The following MBTD1 variants were observed in gnomAD, a reference collection of about 807,000 sequenced individuals.
MBTD1 encodes the protein mbt domain containing 1.
MBTD1 carries 24 observed loss-of-function variants against 87.8 expected under a neutral mutation model. That is an observed-to-expected ratio of 0.27 (90% CI 0.20 to 0.38). The LOEUF (loss-of-function observed/expected upper bound fraction) is 0.38. Among genes scored for constraint, MBTD1 ranks in the 10% least tolerant of loss-of-function variants. The probability of loss-of-function intolerance (pLI) is 1.00; values close to 1 mark genes in which losing one functional copy is unlikely to be tolerated. For missense variants in MBTD1, 436 were observed against 760.2 expected, an observed-to-expected ratio of 0.57 and a Z score of 5.02; for synonymous variants, 237 against 248.6, an observed-to-expected ratio of 0.95 and a Z score of 0.44.
intron 2 of MBTD1, among the ~76,000 whole-genome samples, chr17:51,229,794 G>T (rs569349916): frequency 6.6e-6 from 1 of 151,700 alleles, no homozygotes; most frequent in South Asian, 2.1e-4. Flanking sequence ...CCAAGTAGAT[G>T]GGATTACAGG....
chr17:51,229,337 A>T (rs2053426263), intron 2 of MBTD1, among the ~76,000 whole-genome samples: 1 of 152,050 alleles, frequency 6.6e-6, no homozygotes, highest in African/African-American at 2.4e-5. Flanking sequence ...TTTAAGCTAA[A>T]ATTTTTTTTT....
intron 1 of MBTD1, among the ~76,000 whole-genome samples, 183 bp from the exon 2 acceptor site, chr17:51,259,389 G>T (rs576102052): frequency 1.3e-5 from 2 of 151,860 alleles, no homozygotes; most frequent in South Asian, 4.2e-4. Context: ...ACCGCCTCGC[G>T]GCACTGCCCC....
chr17:51,258,805 T>C (rs1225840342), intron 2 of MBTD1, among the ~76,000 whole-genome samples: 2 of 152,208 alleles, frequency 1.3e-5, no homozygotes, highest in Non-Finnish European at 1.5e-5. Flanking sequence ...TAGCTTCCTG[T>C]AGAAAAACAT....
intron 6 of MBTD1, among the ~76,000 whole-genome samples, chr17:51,208,067 C>T (rs149112679): frequency 6.6e-6 from 1 of 152,316 alleles, no homozygotes; most frequent in Non-Finnish European, 1.5e-5. Flanking sequence ...CCAATTTGAA[C>T]ATTAGGCAAA....
At chr17:51,189,285 T>C (rs58298687) in intron 16 of MBTD1, among the ~76,000 whole-genome samples, 5,616 of 152,304 alleles carry the variant, frequency 0.037, 292 homozygotes, top group African/African-American at 0.11. Flanking sequence ...CAAGGGCATC[T>C]AATGAGGTAC....
chr17:51,231,379 T>G (rs1373950093), intron 2 of MBTD1, among the ~76,000 whole-genome samples: 5 of 152,236 alleles, frequency 3.3e-5, no homozygotes, highest in African/African-American at 9.6e-5. Flanking sequence ...GAATATAGCC[T>G]TAAAATTTCA....
chr17:51,222,627 A>G (rs369274723), intron 3 of MBTD1, among the ~76,000 whole-genome samples: 1 of 151,556 alleles, frequency 6.6e-6, no homozygotes, highest in African/African-American at 2.4e-5. Flanking sequence ...CGAACTCCTG[A>G]GCTTAGGCAA....
Position 51,192,247 on chromosome 17 carries a change from T to C in MBTD1, c.1724A>G (p.Gln575Arg). The change falls in exon 16 of 17, where the codon CAG becomes CGG. Residue 575 changes from glutamine (Q) to arginine (R), a missense_variant. Physicochemically the swap from Gln to Arg is conservative, Grantham distance 43. Coordinates refer to ENST00000586178, the MANE Select transcript of MBTD1 (RefSeq NM_017643.3). ...TTGCTGGGACTTAGCCTTTTTCTTC[T>C]GTTTTGATGAAGCTGATTGGTTTTC... Reference protein sequence around the residue: ...SRENQSASSKQKKKAKSQQYK... With the variant: ...SRENQSASSKRKKKAKSQQYK... The C allele has an allele frequency of 3.2e-6, 5 of 1,551,410 alleles. 1 individual carries two copies. The South Asian group carries it at 3.6e-5, about 11-fold the overall frequency.
rs1234337394 is a variant in MBTD1, at chr17:51,219,084, T to A, written c.289-40A>T. ...GTTAAGTAAATAGGATTCTTTTTCA[T>A]CCCCTCACCACCACAATTTAACTGG... On this transcript the variant is annotated intron_variant, in intron 4 of 16. Coordinates refer to ENST00000586178, the MANE Select transcript of MBTD1 (RefSeq NM_017643.3). The A allele has an allele frequency of 3.9e-6, 4 of 1,014,052 alleles. No homozygotes were observed. The South Asian group carries it at 5.5e-5, about 14-fold the overall frequency. The allele number at this position is 1,014,052 out of a possible 1,614,324, so 62.8% of individuals were successfully genotyped here. A position where few individuals can be genotyped will look rare whatever the true frequency, so the allele number is the denominator to read the frequency against.
Position 51,225,024 on chromosome 17 carries a change from A to G in MBTD1, c.138T>C (p.Asp46=). 6.5e-7 allele frequency: 1 copy of G among 1,548,144 alleles called. No individual in the cohort carries two copies. The highest frequency in any genetic ancestry group is 8.7e-7 in the Non-Finnish European group (1 of 1,145,042). The change falls in exon 3 of 17, where the codon GAT becomes GAC. Residue 46 remains aspartate, a synonymous_variant. Transcript: ENST00000586178. ...KNNGQVYTYP[D]GKSGMATCEM... ...AATACTCACCCATGCCAGATTTACC[A>G]TCTGGGTATGTGTAGACTTGCCCAT...
intron 2 of MBTD1, among the ~76,000 whole-genome samples, chr17:51,225,929 C>G (rs2143724821): frequency 6.6e-6 from 1 of 151,846 alleles, no homozygotes; most frequent in South Asian, 2.1e-4. Context: ...CAGGTGCATG[C>G]CACCACACCC....
At chr17:51,185,265 G>C (rs1488368888) in intron 16 of MBTD1, 1 of 152,196 alleles carries the variant, frequency 6.6e-6, no homozygotes, top group East Asian at 1.9e-4. Context: ...CATATGCTAA[G>C]GCAGGTATAA....
intron 12 of MBTD1, among the ~76,000 whole-genome samples, chr17:51,199,438 CTG>C (rs1211419231): frequency 6.6e-6 from 1 of 151,638 alleles, no homozygotes; most frequent in East Asian, 1.9e-4. Flanking sequence ...TCAGGAATCA[CTG>C]TTTTAAAAAA....
intron 16 of MBTD1, among the ~76,000 whole-genome samples, chr17:51,191,083 T>C (rs969435686): frequency 6.6e-6 from 1 of 151,844 alleles, no homozygotes; most frequent in African/African-American, 2.4e-5. Flanking sequence ...AAGTAAGGCC[T>C]TGTCTCAAAA....
At chr17:51,193,829 C>T (rs1201134640) in intron 13 of MBTD1, among the ~76,000 whole-genome samples, 3 of 152,138 alleles carry the variant, frequency 2.0e-5, no homozygotes, top group South Asian at 2.1e-4. Flanking sequence ...CTATGTTGCC[C>T]GGGTTGTTCT....
At chr17:51,253,712 TA>T (rs1438881707) in intron 2 of MBTD1, among the ~76,000 whole-genome samples, 1 of 152,106 alleles carries the variant, frequency 6.6e-6, no homozygotes, top group Non-Finnish European at 1.5e-5. Context: ...TAATAAAAAA[TA>T]AAAGGTTTTT....
Position 51,242,952 on chromosome 17 carries a change from AT to A in MBTD1, c.-49+16190del, listed in dbSNP as rs559651834. 8.5e-5 allele frequency among the ~76,000 whole-genome samples: 13 copies of A among 152,218 alleles called. No homozygotes were observed. In the East Asian group the frequency reaches 2.5e-3, roughly 29 times the overall value. On this transcript the variant is annotated intron_variant, in intron 2 of 16. Transcript: ENST00000586178. ...TCTTCTTGCAGCTGCATAGTACTCCATTGTGTATGTTTATTCAACAAATCTC... is the reference window on the plus strand; with the variant it reads ...TCTTCTTGCAGCTGCATAGTACTCCATGTGTATGTTTATTCAACAAATCTC...
intron 12 of MBTD1, among the ~76,000 whole-genome samples, chr17:51,196,181 G>C (rs1322978557): frequency 1.3e-5 from 2 of 151,176 alleles, no homozygotes; most frequent in African/African-American, 4.9e-5. Flanking sequence ...CAAAGTGTTG[G>C]GATTACTGGC....
chr17:51,253,123 A>G (rs937778037), intron 2 of MBTD1, among the ~76,000 whole-genome samples: 3 of 152,210 alleles, frequency 2.0e-5, no homozygotes, highest in African/African-American at 4.8e-5. Flanking sequence ...TATACAGTAC[A>G]TTAAAAAATT....
Sources: gnomAD v4.1 joint callset for allele counts (sites outside exome capture counted in the v4.1 genomes callset) on GRCh38, gnomAD v4.1.1 for gene constraint, MANE v1.5 for transcripts, NCBI Gene and HGNC (gene_info 2026-07-23, HGNC 2026-07-21) for gene names.